FTSJ1: variants seen among roughly 807,000 people sequenced by gnomAD.
The protein encoded by FTSJ1 is tRNA (cytidine(32)/guanosine(34)-2'-O)-methyltransferase.
A neutral mutation model predicts 28.5 loss-of-function variants in FTSJ1; 3 were observed. The observed-to-expected ratio is 0.11, with a 90% confidence interval of 0.05 to 0.27. The LOEUF (loss-of-function observed/expected upper bound fraction) is 0.27, where lower values mean the gene tolerates loss of function less well. Ranked by LOEUF, FTSJ1 falls within the 10% of genes least tolerant of loss-of-function variation. The pLI is 1.00. For synonymous variants in FTSJ1, 104 were observed against 113.9 expected, an observed-to-expected ratio of 0.91 and a Z score of 0.55; for missense variants, 162 against 279.0, an observed-to-expected ratio of 0.58 and a Z score of 2.99.
At chrX:48,479,843 T>TA (rs1556967900) in intron 5 of FTSJ1, among the ~76,000 whole-genome samples, 1 of 108,363 alleles carries the variant, frequency 9.2e-6, no homozygotes, top group African/African-American at 3.4e-5. Flanking sequence ...ACCCTCTCTC[T>TA]AAAAAAACGG....
rs782797266 is a variant in FTSJ1 at position 48,482,977 on chromosome X, C to A, written c.958-9C>A. The A allele has an allele frequency of 8.3e-7, 1 of 1,210,040 alleles. No homozygotes were observed. The highest frequency in any genetic ancestry group is 2.2e-5 in the Admixed American group (1 of 46,011). On this transcript the variant is annotated splice_polypyrimidine_tract_variant and intron_variant, in intron 11 of 12. Transcript: ENST00000348411. ...AAATATGTGAGTCACTTTTCTTTTTCTTGGGTAGATGGAAGACAATGAAAT... is the reference window on the plus strand; with the variant it reads ...AAATATGTGAGTCACTTTTCTTTTTATTGGGTAGATGGAAGACAATGAAAT...
intron 5 of FTSJ1, among the ~76,000 whole-genome samples, chrX:48,479,901 T>C (rs781885029): frequency 9.0e-6 from 1 of 111,118 alleles, no homozygotes; most frequent in African/African-American, 3.3e-5. Context: ...CCCAGCACTT[T>C]GGGAGGCTGA....
Position 48,478,019 on chromosome X carries a change from G to A in FTSJ1, c.-29G>A, listed in dbSNP as rs782600419. ...TACTGGCCGGCATCAGTGGACTGTCGGCAGGTCCTTGAGCAACTGGTGTGT... is the reference window on the plus strand; with the variant it reads ...TACTGGCCGGCATCAGTGGACTGTCAGCAGGTCCTTGAGCAACTGGTGTGT... On this transcript the variant is annotated 5_prime_UTR_variant, in exon 2 of 13. Transcript: ENST00000348411. 9.7e-5 allele frequency: 117 copies of A among 1,209,618 alleles called. 1 individual carries two copies. The highest frequency in any genetic ancestry group is 2.6e-4 in the Admixed American group (12 of 45,706).
At chrX:48,479,260 A>C in intron 5 of FTSJ1, 144 bp downstream of exon 5, 1 of 479,397 alleles carries the variant, frequency 2.1e-6, no homozygotes, top group Non-Finnish European at 3.8e-6. Flanking sequence ...ACATCTGGCA[A>C]CTTCTCCCTA....
chrX:48,481,608 C>T, intron 8 of FTSJ1, 24 bp from the exon 9 acceptor site: 1 of 1,153,708 alleles, frequency 8.7e-7, no homozygotes. Flanking sequence ...GGCAGTCATG[C>T]CTCACTCCAC....
Position 48,478,158 on chromosome X carries a change from A to G in FTSJ1, c.111A>G (p.Gln37=). The change falls in exon 2 of 13, where the codon CAA becomes CAG. Residue 37 remains glutamine (Q), a synonymous_variant. Coordinates refer to ENST00000348411, the MANE Select transcript of FTSJ1 (RefSeq NM_012280.4). ...TGCTACAACTGGATAAGGAATTCCA[A>G]CTCTTCCAAGGTCCCTGACTGGTGG... The part of the protein sequence containing the change: ...FKLLQLDKEF[Q]LFQGVTRAVD... The G allele has an allele frequency of 1.7e-6, 2 of 1,207,322 alleles. No homozygotes were observed. Among genetic ancestry groups the G allele is most frequent in the Non-Finnish European group, 2.2e-6 (2 of 893,155 alleles).
intron 1 of FTSJ1, among the ~76,000 whole-genome samples, chrX:48,477,174 G>A (rs1486577339): frequency 4.5e-5 from 5 of 111,147 alleles, no homozygotes; most frequent in African/African-American, 1.6e-4. Flanking sequence ...TAAACTGTTG[G>A]AGTGTGATCA....
chrX:48,481,379 CGCT>C, intron 7 of FTSJ1, 37 bp downstream of exon 7: 3 of 1,195,193 alleles, frequency 2.5e-6, no homozygotes, highest in Non-Finnish European at 3.4e-6. Flanking sequence ...AGAGGGAGGT[CGCT>C]GAGGGCCACC....
Position 48,481,513 on chromosome X carries a change from C to A in FTSJ1, c.556C>A (p.Arg186=). Residue 186 remains arginine, a synonymous_variant, in exon 8 of 13, where the codon CGG becomes AGG. Transcript: ENST00000348411. The part of the protein sequence containing the change: ...SVLCAKPRSS[R]NSSIEAFAVC... ...GCTGTGTGCCAAGCCCAGGAGCAGC[C>A]GGAACTCTAGCATCGGTCAGTGGGG... 8.3e-7 allele frequency: 1 copy of A among 1,209,481 alleles called. No homozygotes were observed. The highest frequency in any genetic ancestry group is 1.8e-5 in the South Asian group (1 of 56,963).
chrX:48,478,975 C>A (rs891116583), intron 4 of FTSJ1, 63 bp from the exon 5 acceptor site: 1 of 899,800 alleles, frequency 1.1e-6, no homozygotes, highest in Admixed American at 2.2e-5. Context: ...GGACCATGGG[C>A]AGGCGGGATC....
rs782080858 is a variant in FTSJ1, at chrX:48,482,620, G to A, written c.783G>A (p.Lys261=). 8.3e-7 allele frequency: 1 copy of A among 1,203,095 alleles called. No homozygotes were observed. The highest frequency in any genetic ancestry group is 2.2e-5 in the Admixed American group (1 of 45,018). ...PLDLEGGSEY[K]YTPPTQPPIS... The stretch of plus-strand genomic sequence containing the variant: ...AGCTAGAGGGCGGCTCAGAGTACAA[G>A]TACACTCCACCCACACAGCCCCCCA... Residue 261 remains lysine (K), a synonymous_variant, in exon 11 of 13, where the codon AAG becomes AAA. Transcript: ENST00000348411.
rs782761833 is a variant in FTSJ1, at chrX:48,479,096, T to C, written c.341T>C (p.Val114Ala). 7 of 1,203,020 alleles carry C rather than the reference T, an allele frequency of 5.8e-6. No homozygotes were observed. Among genetic ancestry groups the C allele is most frequent in the Non-Finnish European group, 5.6e-6 (5 of 888,253 alleles). ...AAGGGCTGCCCTGCGGACCTAGTGG[T>C]GTGTGACGGGGCTCCTGATGGTAAA... ...HFKGCPADLVVCDGAPDVTGL... is the reference protein window; with the variant it reads ...HFKGCPADLVACDGAPDVTGL... Residue 114 changes from valine to alanine, a missense_variant, in exon 5 of 13, where the codon GTG becomes GCG. By Grantham distance (64) the Val-to-Ala change is moderately conservative. Coordinates refer to ENST00000348411, the MANE Select transcript of FTSJ1 (RefSeq NM_012280.4).
chrX:48,479,194 C>G (rs916335664), intron 5 of FTSJ1, 78 bp downstream of exon 5: 13 of 641,010 alleles, frequency 2.0e-5, no homozygotes, highest in South Asian at 4.5e-5. Context: ...CCTTGGTTGA[C>G]TTATTCACCT....
At chrX:48,481,802 T>C (rs1342721418) in intron 9 of FTSJ1, 87 bp downstream of exon 9, 6 of 617,871 alleles carry the variant, frequency 9.7e-6, no homozygotes, top group African/African-American at 6.6e-5. Context: ...TCTCACCCCC[T>C]GGGGGAGGCT....
chrX:48,483,429 G>C (rs1556969301), intron 12 of FTSJ1: 1 of 122,273 alleles, frequency 8.2e-6, no homozygotes, highest in Non-Finnish European at 1.7e-5. Flanking sequence ...ATATATAAGA[G>C]TAATATGGGA....
At position 48,478,140 on chromosome X, in the gene FTSJ1, A is replaced by G; in HGVS notation, c.93A>G (p.Gln31=). 1.7e-6 allele frequency: 2 copies of G among 1,209,804 alleles called. No homozygotes were observed. Among genetic ancestry groups the G allele is most frequent in the Middle Eastern group, 2.3e-4 (1 of 4,352 alleles). ...CTCGCAGCGCCTTCAAACTGCTACA[A>G]CTGGATAAGGAATTCCAACTCTTCC... ...WRARSAFKLL[Q]LDKEFQLFQG... is the part of the protein sequence containing the mutation. The change falls in exon 2 of 13, where the codon CAA becomes CAG. Residue 31 remains glutamine, a synonymous_variant. Coordinates refer to ENST00000348411, the MANE Select transcript of FTSJ1 (RefSeq NM_012280.4).
At position 48,486,130 on chromosome X, in the gene FTSJ1, C is replaced by T. The variant is rs1198259947; in HGVS notation, c.*404C>T. The T allele has an allele frequency of 8.9e-6, 1 of 112,216 alleles. No homozygotes were observed. Among genetic ancestry groups the T allele is most frequent in the Non-Finnish European group, 1.9e-5 (1 of 53,251 alleles). The allele number at this position is 112,216 out of a possible 1,213,427, so 9.2% of individuals were successfully genotyped here. Reference sequence around the variant, plus strand: ...AGTTATAAATGCTGGCAACAAATCACAGTAGTAAAAGCAGTACCTGGGATT... The same window carrying T: ...AGTTATAAATGCTGGCAACAAATCATAGTAGTAAAAGCAGTACCTGGGATT... On this transcript the variant is annotated 3_prime_UTR_variant, in exon 13 of 13. Coordinates refer to ENST00000348411, the MANE Select transcript of FTSJ1 (RefSeq NM_012280.4).
rs376189373 is a variant in FTSJ1, at chrX:48,481,411, C to T, written c.469-15C>T. On this transcript the variant is annotated splice_polypyrimidine_tract_variant and intron_variant, in intron 7 of 12. Transcript: ENST00000348411. ...GGCCACCCTCACCCGCTGTCTTTGCCTTCTCACCCTGCAGATATTCCGAGG... is the reference window on the plus strand; with the variant it reads ...GGCCACCCTCACCCGCTGTCTTTGCTTTCTCACCCTGCAGATATTCCGAGG... The T allele has an allele frequency of 2.2e-5, 27 of 1,206,965 alleles. No homozygotes were observed. The African/African-American group carries it at 4.0e-4, about 18-fold the overall frequency.
intron 7 of FTSJ1, 31 bp from the exon 8 acceptor site, chrX:48,481,395 C>T (rs1556968473): frequency 2.5e-6 from 3 of 1,201,712 alleles, no homozygotes. Flanking sequence ...GGGCCACCCT[C>T]ACCCGCTGTC....
Sources: gnomAD v4.1 joint callset for allele counts (sites outside exome capture counted in the v4.1 genomes callset) on GRCh38, gnomAD v4.1.1 for gene constraint, MANE v1.5 for transcripts, NCBI Gene and HGNC (gene_info 2026-07-23, HGNC 2026-07-21) for gene names.